TMEM243: variants seen among roughly 807,000 people sequenced by gnomAD.
TMEM243 encodes transmembrane protein 243.
TMEM243 carries 20 observed loss-of-function variants against 15.0 expected under a neutral mutation model. That is an observed-to-expected ratio of 1.33 (90% CI 0.94 to 1.93). The LOEUF (loss-of-function observed/expected upper bound fraction) is 1.93, where lower values mean the gene tolerates loss of function less well. Ranked by LOEUF, TMEM243 falls within the 30% of genes most tolerant of loss-of-function variation. The probability of loss-of-function intolerance (pLI) is 0.00; values close to 1 mark genes in which losing one functional copy is unlikely to be tolerated. For missense variants in TMEM243, 156 were observed against 142.1 expected, an observed-to-expected ratio of 1.10 and a Z score of -0.50; for synonymous variants, 72 against 52.7, an observed-to-expected ratio of 1.37 and a Z score of -1.59.
intron 3 of TMEM243, 91 bp from the exon 4 acceptor site, chr7:87,196,849 CTAAA>C: frequency 2.3e-6 from 2 of 856,826 alleles, no homozygotes; most frequent in Non-Finnish European, 3.5e-6. Flanking sequence ...GTTTATTCCC[CTAAA>C]TGAGACAGAC....
intron 1 of TMEM243, among the ~76,000 whole-genome samples, chr7:87,209,436 CAG>C (rs1267072794): frequency 4.7e-5 from 7 of 150,304 alleles, no homozygotes; most frequent in African/African-American, 1.2e-4. Context: ...GAGAGTGAGA[CAG>C]AGATTGAGAC....
upstream of TMEM243, chr7:87,219,856 G>T (rs1803386527): frequency 3.1e-6 from 1 of 321,004 alleles, no homozygotes; most frequent in Non-Finnish European, 5.8e-6. Flanking sequence ...CGCCAGGGTA[G>T]CGCCGCCCGC....
At chr7:87,207,968 G>A (rs112650134) in intron 1 of TMEM243, among the ~76,000 whole-genome samples, 5 of 152,190 alleles carry the variant, frequency 3.3e-5, no homozygotes, top group East Asian at 3.9e-4. Context: ...TTACCACCAC[G>A]AGAACAGTAT....
intron 1 of TMEM243, among the ~76,000 whole-genome samples, chr7:87,216,116 A>C (rs1356069097): frequency 1.3e-5 from 2 of 151,250 alleles, no homozygotes; most frequent in East Asian, 1.9e-4. Flanking sequence ...CTAAAAATAC[A>C]AAAAAAAATT....
intron 1 of TMEM243, among the ~76,000 whole-genome samples, chr7:87,204,476 TGTTA>T (rs1163317282): frequency 6.6e-6 from 1 of 152,206 alleles, no homozygotes; most frequent in Non-Finnish European, 1.5e-5. Context: ...ATCAAAAGCA[TGTTA>T]GTTACTTCCT....
intron 1 of TMEM243, 116 bp downstream of exon 1, chr7:87,219,309 CA>C: frequency 1.1e-6 from 1 of 912,814 alleles, no homozygotes; most frequent in Non-Finnish European, 1.8e-6. Context: ...ATTGCAGAAC[CA>C]GCTTCCTCCC....
In TMEM243 at chr7:87,213,098, C is replaced by A. The variant is rs915532940; in HGVS notation, c.78+6328G>T. On this transcript the variant is annotated intron_variant, in intron 1 of 3. Transcript: ENST00000257637. ...ACGACATTTATGAAGAGCAAAGAGGCAGCTAAAAGAAGGGGTCCATGGAGA... is the reference window on the plus strand; with the variant it reads ...ACGACATTTATGAAGAGCAAAGAGGAAGCTAAAAGAAGGGGTCCATGGAGA... Among the ~76,000 whole-genome samples the A allele has an allele frequency of 4.6e-5, 7 of 152,246 alleles. No homozygotes were observed. In the East Asian group the frequency reaches 5.8e-4, roughly 13 times the overall value.
At chr7:87,203,274 G>A (rs546656149) in intron 1 of TMEM243, among the ~76,000 whole-genome samples, 14 of 151,964 alleles carry the variant, frequency 9.2e-5, no homozygotes, top group Non-Finnish European at 1.6e-4. Context: ...ACAAAATTTC[G>A]AAAAGGCTTT....
chr7:87,213,626 T>C (rs1802908872), intron 1 of TMEM243, among the ~76,000 whole-genome samples: 2 of 152,218 alleles, frequency 1.3e-5, no homozygotes, highest in African/African-American at 4.8e-5. Context: ...CCATCCCTAC[T>C]GATCCTTGTT....
intron 1 of TMEM243, 51 bp downstream of exon 1, chr7:87,219,367 CAGAGGGCA>C: frequency 6.4e-7 from 1 of 1,559,898 alleles, no homozygotes; most frequent in South Asian, 1.1e-5. Context: ...CGGACTCCGC[CAGAGGGCA>C]GGCAGCAGAC....
chr7:87,220,049 C>G (rs1037113656), upstream of TMEM243, among the ~76,000 whole-genome samples: 22 of 152,250 alleles, frequency 1.4e-4, no homozygotes, highest in African/African-American at 5.1e-4. Context: ...GAACCCCTCG[C>G]CTAGCCTTCT....
intron 2 of TMEM243, 107 bp from the exon 3 acceptor site, chr7:87,198,152 T>A: frequency 1.2e-6 from 1 of 865,076 alleles, no homozygotes; most frequent in Non-Finnish European, 1.8e-6. Context: ...GTTATAAAAT[T>A]ACATCTGCCA....
intron 2 of TMEM243, 96 bp downstream of exon 2, chr7:87,198,911 G>T: frequency 1.8e-6 from 2 of 1,101,122 alleles, no homozygotes; most frequent in Non-Finnish European, 2.6e-6. Flanking sequence ...AAAATTAAAA[G>T]CACTTATTTA....
At chr7:87,211,667 A>C (rs547183970) in intron 1 of TMEM243, among the ~76,000 whole-genome samples, 1 of 152,316 alleles carries the variant, frequency 6.6e-6, no homozygotes, top group South Asian at 2.1e-4. Context: ...GTTTATTTTG[A>C]GCCCAGCTGA....
intron 1 of TMEM243, among the ~76,000 whole-genome samples, chr7:87,202,709 G>A (rs1801904692): frequency 6.6e-6 from 1 of 152,304 alleles, no homozygotes; most frequent in South Asian, 2.1e-4. Context: ...AGGTCTAACA[G>A]TCCTAAAACT....
At chr7:87,217,480 T>C (rs749802312) in intron 1 of TMEM243, among the ~76,000 whole-genome samples, 1 of 152,236 alleles carries the variant, frequency 6.6e-6, no homozygotes, top group African/African-American at 2.4e-5. Context: ...CTTCATTTGC[T>C]GTGAACACAT....
intron 1 of TMEM243, among the ~76,000 whole-genome samples, chr7:87,203,666 A>T (rs1367266082): frequency 6.6e-6 from 1 of 152,202 alleles, no homozygotes; most frequent in African/African-American, 2.4e-5. Context: ...AAATGTTTGT[A>T]TGAAGATTTC....
intron 1 of TMEM243, among the ~76,000 whole-genome samples, chr7:87,212,938 A>AGGGCACATCTTTGACAGCC (rs1259287296): frequency 2.3e-4 from 35 of 152,382 alleles, no homozygotes; most frequent in African/African-American, 7.2e-4. Context: ...AGTAAGTGCC[A>AGGGCACATCTTTGACAGCC]GGGCACATCT....
At chr7:87,216,412 C>G (rs1803127313) in intron 1 of TMEM243, among the ~76,000 whole-genome samples, 3 of 152,148 alleles carry the variant, frequency 2.0e-5, no homozygotes, top group Admixed American at 2.0e-4. Flanking sequence ...GGCCACTGCA[C>G]TCCGATATGA....
Sources: allele counts gnomAD v4.1 joint callset (sites outside exome capture counted in the v4.1 genomes callset), GRCh38; gene constraint gnomAD v4.1.1; transcripts MANE v1.5; gene names NCBI Gene and HGNC (gene_info 2026-07-23, HGNC 2026-07-21).